Variants in STOML1 observed in about 807,000 individuals in gnomAD.
STOML1 encodes stomatin like 1.
In STOML1, 27 loss-of-function variants were observed where a neutral mutation model predicts 35.7. That is an observed-to-expected ratio of 0.76 (90% confidence interval 0.56 to 1.04). The LOEUF (loss-of-function observed/expected upper bound fraction) is 1.04, where lower values mean the gene tolerates loss of function less well. Ranked by LOEUF, STOML1 falls within the 50% of genes least tolerant of loss-of-function variation. The pLI is 0.00. For synonymous variants in STOML1, 219 were observed against 227.9 expected (o/e 0.96, Z 0.35); for missense variants, 451 against 527.1 (o/e 0.86, Z 1.41).
chr15:73,991,836 T>C, intron 1 of STOML1: 1 of 610,890 alleles, frequency 1.6e-6, no homozygotes, highest in East Asian at 2.8e-5. Flanking sequence ...AGGACAAATG[T>C]GGTGAGGTGA....
upstream of STOML1, chr15:73,992,360 G>A (rs2069311765): frequency 1.9e-6 from 2 of 1,077,574 alleles, no homozygotes; most frequent in Non-Finnish European, 2.4e-6. Flanking sequence ...GGCGCAGGAA[G>A]AGGAGGCCGG....
upstream of STOML1, among the ~76,000 whole-genome samples, chr15:73,992,560 CAAT>C (rs1567110764): frequency 6.6e-6 from 1 of 152,182 alleles, no homozygotes; most frequent in African/African-American, 2.4e-5. Flanking sequence ...TATAATCCAT[CAAT>C]TTGGGAGACT....
At chr15:73,990,181 C>T (rs376282321) in intron 2 of STOML1, 170 bp downstream of exon 2, 6 of 638,792 alleles carry the variant, frequency 9.4e-6, no homozygotes, top group Admixed American at 2.9e-5. Context: ...CAAGCCCAAG[C>T]CTTAGTTTCC....
Position 73,984,590 on chromosome 15 carries a change from A to G in STOML1, c.1003+69T>C, listed in dbSNP as rs114860382. The G allele has an allele frequency of 4.0e-4, 625 of 1,566,286 alleles. 3 individuals are homozygous for G. In the African/African-American group the frequency reaches 7.9e-3, roughly 20 times the overall value. ...GGAGCAGGGGGCAGTCTACGAGAGC[A>G]CCACTGGGGTAGGTAACAAGAAACC... On this transcript the variant is annotated intron_variant, in intron 6 of 6. Transcript: ENST00000541638.
chr15:73,991,074 C>T (rs76929867), intron 1 of STOML1: 68,361 of 1,247,354 alleles, frequency 0.055, 1,999 homozygotes, highest in Middle Eastern at 0.076. Flanking sequence ...CACGAGATGG[C>T]GCCACTGCAC....
rs1254239737 is a variant in STOML1 at position 73,985,248 on chromosome 15, G to A, written c.790+70C>T. On this transcript the variant is annotated intron_variant, in intron 5 of 6. Transcript: ENST00000541638. Reference sequence around the variant, plus strand: ...GGTGTGTACTGCACAGAGCTGCTGGGATAGTGAGCAAAGTCTGTGCTGGCA... The same window carrying A: ...GGTGTGTACTGCACAGAGCTGCTGGAATAGTGAGCAAAGTCTGTGCTGGCA... The A allele has an allele frequency of 1.7e-5, 24 of 1,454,514 alleles. No individual in the cohort carries two copies. The East Asian group carries it at 5.1e-4, about 31-fold the overall frequency. 90.1% of individuals were successfully genotyped at this position (1,454,514 alleles called of 1,614,324 possible). A position where few individuals can be genotyped will look rare whatever the true frequency, so the allele number is the denominator to read the frequency against.
chr15:73,991,256 G>A (rs2069266680), intron 1 of STOML1, among the ~76,000 whole-genome samples: 1 of 152,228 alleles, frequency 6.6e-6, no homozygotes, highest in Admixed American at 6.5e-5. Flanking sequence ...GGCCCCTGGA[G>A]ATTCAGGAGC....
chr15:73,990,140 AC>A, intron 2 of STOML1: 1 of 540,996 alleles, frequency 1.8e-6, no homozygotes. Flanking sequence ...ACTTGCTTCT[AC>A]CCCCTACTGG....
chr15:73,985,192 T>C (rs2069051614), intron 5 of STOML1, 126 bp downstream of exon 5: 2 of 1,189,724 alleles, frequency 1.7e-6, no homozygotes, highest in Non-Finnish European at 1.1e-6. Context: ...CTGCCTTGGC[T>C]GTGGTCAGTG....
rs574750154 is a variant in STOML1 at position 73,984,824 on chromosome 15, C to T, written c.838G>A (p.Val280Ile). The T allele has an allele frequency of 3.1e-6, 5 of 1,614,116 alleles. No homozygotes were observed. The African/African-American group carries it at 6.7e-5, about 22-fold the overall frequency. ...VSEVEPPAPQ[V>I]GARSSPKQPL... Reference sequence around the variant, plus strand: ...TGCTTCGGACTGGACCTGGCACCAACTTGAGGGGCAGGTGGCTCAACTTCA... The same window carrying T: ...TGCTTCGGACTGGACCTGGCACCAATTTGAGGGGCAGGTGGCTCAACTTCA... Residue 280 changes from valine (V) to isoleucine (I), a missense_variant, in exon 6 of 7, where the codon GTT (valine) becomes ATT (isoleucine). Val to Ile is a conservative substitution (Grantham distance 29). Coordinates refer to ENST00000541638, the MANE Select transcript of STOML1 (RefSeq NM_004809.5).
At chr15:73,994,283 C>G (rs1181257911), upstream of STOML1, among the ~76,000 whole-genome samples, 1 of 152,220 alleles carries the variant, frequency 6.6e-6, no homozygotes, top group African/African-American at 2.4e-5. Flanking sequence ...CGTACCCCAC[C>G]ACCTACAACC....
upstream of STOML1, chr15:73,992,397 G>T: frequency 1.5e-6 from 1 of 645,352 alleles, no homozygotes; most frequent in Non-Finnish European, 2.3e-6. Flanking sequence ...CCGTCGCATG[G>T]CTCCCCCTGC....
At chr15:73,992,439 C>T (rs28454082), upstream of STOML1, 7 of 425,024 alleles carry the variant, frequency 1.6e-5, no homozygotes, top group African/African-American at 1.3e-4. Flanking sequence ...CCCAGGGCTA[C>T]TGGGTGTGAT....
intron 1 of STOML1, chr15:73,990,893 A>T: frequency 3.3e-6 from 5 of 1,534,770 alleles, no homozygotes; most frequent in African/African-American, 1.4e-5. Context: ...CTCCTATACC[A>T]TCAGCCCCAG....
chr15:73,991,521 G>A (rs1483294389), intron 1 of STOML1: 1 of 451,810 alleles, frequency 2.2e-6, no homozygotes, highest in Non-Finnish European at 4.5e-6. Flanking sequence ...TCCAAGGTTA[G>A]GCGGTTAGGC....
In STOML1 at chr15:73,988,835, A is replaced by C. The variant is rs1199939794; in HGVS notation, c.391-33T>G. 6.3e-7 allele frequency: 1 copy of C among 1,597,496 alleles called. No homozygotes were observed. Among genetic ancestry groups the C allele is most frequent in the Non-Finnish European group, 8.6e-7 (1 of 1,167,604 alleles). ...GGGAGGCCATGAGAGAGAGACACTC[A>C]AGGGGCTGGGGGTGCAGGGAGGTCA... is the stretch of plus-strand genomic sequence containing the variant. On this transcript the variant is annotated intron_variant, in intron 3 of 6. Transcript: ENST00000541638. This position sits in a 1 kb window ranked among gnomAD's most constrained non-coding sequence, Gnocchi z 4.8.
intron 2 of STOML1, 32 bp from the exon 3 acceptor site, chr15:73,989,289 G>C: frequency 6.4e-7 from 1 of 1,554,918 alleles, no homozygotes; most frequent in Non-Finnish European, 8.7e-7. Context: ...AGAGTTGAAA[G>C]TGGTCAGCCT....
At position 73,992,238 on chromosome 15, in the gene STOML1, G is replaced by C; in HGVS notation, c.-15C>G. The C allele has an allele frequency of 6.3e-7, 1 of 1,585,844 alleles. No homozygotes were observed. Among genetic ancestry groups the C allele is most frequent in the Non-Finnish European group, 8.6e-7 (1 of 1,169,220 alleles). ...CTGCCGAGCATGGCTTTTGACAGGA[G>C]ACACGCCCCGCGCCTCCGCGCGGCG... is the stretch of plus-strand genomic sequence containing the variant. On this transcript the variant is annotated 5_prime_UTR_variant, in exon 1 of 7. Transcript: ENST00000541638.
rs761235008 is a variant in STOML1 at position 73,984,176 on chromosome 15, C to T, written c.1004-46G>A. The T allele has an allele frequency of 1.4e-4, 227 of 1,570,402 alleles. 1 individual carries two copies. Among genetic ancestry groups the T allele is most frequent in the Non-Finnish European group, 1.7e-4 (201 of 1,152,214 alleles). On this transcript the variant is annotated intron_variant, in intron 6 of 6. Coordinates refer to ENST00000541638, the MANE Select transcript of STOML1 (RefSeq NM_004809.5). Reference sequence around the variant, plus strand: ...GAGTGTCAGTAGGGGAATGGAGGAACGTGAAGGAGATCTATGGGGGTGGGA... The same window carrying T: ...GAGTGTCAGTAGGGGAATGGAGGAATGTGAAGGAGATCTATGGGGGTGGGA...
Sources: gnomAD v4.1 joint callset for allele counts (sites outside exome capture counted in the v4.1 genomes callset) on GRCh38, gnomAD v4.1.1 for gene constraint, Gnocchi (gnomAD v3.1) non-coding constraint, MANE v1.5 for transcripts, NCBI Gene and HGNC (gene_info 2026-07-23, HGNC 2026-07-21) for gene names.